Variants in EAF2 observed in about 807,000 individuals in gnomAD.
The protein encoded by EAF2 is ELL associated factor 2, also known as ELL-associated factor 2.
EAF2 carries 29 observed loss-of-function variants against 29.4 expected under a neutral mutation model. The observed-to-expected ratio is 0.99, with a 90% CI of 0.73 to 1.35. The LOEUF (loss-of-function observed/expected upper bound fraction) is 1.35. Ranked by LOEUF, EAF2 falls within the 40% of genes most tolerant of loss-of-function variation. The pLI is 0.00. For synonymous variants in EAF2, 103 were observed against 102.5 expected (o/e 1.00, Z -0.03); for missense variants, 292 against 312.0 (o/e 0.94, Z 0.48).
chr3:121,848,786 T>C (rs1708577794), intron 2 of EAF2, among the ~76,000 whole-genome samples: 1 of 152,206 alleles, frequency 6.6e-6, no homozygotes, highest in African/African-American at 2.4e-5. Flanking sequence ...AAACTGCTTG[T>C]GATTGTAAAT....
intron 5 of EAF2, among the ~76,000 whole-genome samples, chr3:121,884,246 A>G (rs1022259587): frequency 1.3e-5 from 2 of 149,228 alleles, no homozygotes; most frequent in African/African-American, 2.5e-5. Flanking sequence ...AGGCTGAGGC[A>G]GGAGAATCAC....
chr3:121,856,355 T>C (rs1227966015), intron 3 of EAF2, among the ~76,000 whole-genome samples: 2 of 152,084 alleles, frequency 1.3e-5, no homozygotes, highest in Non-Finnish European at 2.9e-5. Flanking sequence ...TATTTATTTT[T>C]AAATAGAGAT....
At chr3:121,879,041 T>C (rs1920298) in intron 5 of EAF2, among the ~76,000 whole-genome samples, 33,863 of 152,132 alleles carry the variant, frequency 0.22, 4,346 homozygotes, top group Admixed American at 0.36. Context: ...GTTATTTTTG[T>C]CTTTTCAATA....
At chr3:121,875,494 T>G (rs1709080642) in intron 5 of EAF2, among the ~76,000 whole-genome samples, 1 of 151,614 alleles carries the variant, frequency 6.6e-6, no homozygotes, top group Non-Finnish European at 1.5e-5. Flanking sequence ...CCTGTCAGAG[T>G]GGTGTGAGGA....
intron 4 of EAF2, among the ~76,000 whole-genome samples, chr3:121,860,839 T>C (rs1410491846): frequency 6.6e-6 from 1 of 152,208 alleles, no homozygotes; most frequent in Non-Finnish European, 1.5e-5. Context: ...CACACTGCTT[T>C]AAATGTGTCC....
rs191538019 is a variant in EAF2 at position 121,836,532 on chromosome 3, T to A, written c.106+1141T>A. On this transcript the variant is annotated intron_variant, in intron 1 of 5. Transcript: ENST00000273668. Reference sequence around the variant, plus strand: ...AATATATTTACTAAAAGGGTTTTTTTAAAGCAAAATTAACATCCAATTGGT... The same window carrying A: ...AATATATTTACTAAAAGGGTTTTTTAAAAGCAAAATTAACATCCAATTGGT... 2.7e-4 allele frequency: 187 copies of A among 701,188 alleles called. 1 individual carries two copies. The African/African-American group carries it at 3.2e-3, about 12-fold the overall frequency. 43.4% of individuals were successfully genotyped at this position (701,188 alleles called of 1,614,324 possible). A position where few individuals can be genotyped will look rare whatever the true frequency, so the allele number is the denominator to read the frequency against.
At chr3:121,843,939 A>ATAGAATGACAGACAAGTGGTAG (rs1708476462) in intron 1 of EAF2, among the ~76,000 whole-genome samples, 6 of 152,134 alleles carry the variant, frequency 3.9e-5, no homozygotes, top group African/African-American at 4.8e-5. Flanking sequence ...TTTTGTTTGG[A>ATAGAATGACAGACAAGTGGTAG]TAGAATGACA....
chr3:121,863,037 G>A (rs935557286), intron 4 of EAF2, among the ~76,000 whole-genome samples: 2 of 152,172 alleles, frequency 1.3e-5, no homozygotes, highest in Non-Finnish European at 2.9e-5. Context: ...AAATGTTGCT[G>A]CCTGGTCCTT....
At chr3:121,866,379 A>G (rs968764126) in intron 4 of EAF2, among the ~76,000 whole-genome samples, 1 of 152,196 alleles carries the variant, frequency 6.6e-6, no homozygotes, top group African/African-American at 2.4e-5. Context: ...AATTTGAATA[A>G]GATATAGATC....
chr3:121,838,170 A>G (rs1298623517), intron 1 of EAF2, among the ~76,000 whole-genome samples: 2 of 152,220 alleles, frequency 1.3e-5, no homozygotes, highest in Non-Finnish European at 2.9e-5. Flanking sequence ...TTAAATACAA[A>G]GTAGAAAATG....
rs1266721622 is a variant in EAF2, at chr3:121,874,042, T to C, written c.736+1254T>C. Among the ~76,000 whole-genome samples, 4 of 151,898 alleles carry C rather than the reference T, an allele frequency of 2.6e-5. No individual in the cohort carries two copies. The East Asian group carries it at 7.7e-4, about 29-fold the overall frequency. ...CAAGGACCTTGTTTGTTTTTGCTTATCATTGAATTCTTGCACTTAGCACAT... is the reference window on the plus strand; with the variant it reads ...CAAGGACCTTGTTTGTTTTTGCTTACCATTGAATTCTTGCACTTAGCACAT... On this transcript the variant is annotated intron_variant, in intron 5 of 5. Transcript: ENST00000273668.
chr3:121,839,745 C>G (rs1004920531), intron 1 of EAF2, among the ~76,000 whole-genome samples: 2 of 152,126 alleles, frequency 1.3e-5, no homozygotes, highest in Non-Finnish European at 2.9e-5. Context: ...AGAAGTGATT[C>G]AGAGAAGAGT....
chr3:121,865,922 A>G (rs1279459205), intron 4 of EAF2, among the ~76,000 whole-genome samples: 3 of 151,836 alleles, frequency 2.0e-5, no homozygotes, highest in South Asian at 2.1e-4. Flanking sequence ...ACACCACTCT[A>G]CCTCCCAGAC....
chr3:121,848,962 G>T lies in EAF2; in HGVS notation c.201+4415G>T, dbSNP rs577046598. ...AGCAAATATTGTTTCTCCTGGGTATGTAGTCCTTGAACAATCATGAATAAC... is the reference window on the plus strand; with the variant it reads ...AGCAAATATTGTTTCTCCTGGGTATTTAGTCCTTGAACAATCATGAATAAC... On this transcript the variant is annotated intron_variant, in intron 2 of 5. Transcript: ENST00000273668. Among the ~76,000 whole-genome samples, 16 of 152,256 alleles carry T rather than the reference G, an allele frequency of 1.1e-4. No individual in the cohort carries two copies. In the South Asian group the frequency reaches 3.1e-3, roughly 30 times the overall value.
intron 2 of EAF2, among the ~76,000 whole-genome samples, chr3:121,845,109 T>G (rs1369351990): frequency 2.0e-5 from 3 of 151,804 alleles, no homozygotes; most frequent in African/African-American, 4.8e-5. Flanking sequence ...AACAAAGAGT[T>G]TGTGGAATAA....
chr3:121,865,948 A>G (rs1708918428), intron 4 of EAF2, among the ~76,000 whole-genome samples: 1 of 152,116 alleles, frequency 6.6e-6, no homozygotes, highest in African/African-American at 2.4e-5. Context: ...CCCCTGCCCT[A>G]TTAACCTAAG....
intron 4 of EAF2, among the ~76,000 whole-genome samples, chr3:121,858,640 G>T (rs1390554709): frequency 1.3e-5 from 2 of 152,142 alleles, no homozygotes; most frequent in African/African-American, 2.4e-5. Flanking sequence ...TCTGATGGTA[G>T]TTTCTTTTGC....
At chr3:121,862,262 G>A (rs914499857) in intron 4 of EAF2, among the ~76,000 whole-genome samples, 2 of 152,212 alleles carry the variant, frequency 1.3e-5, no homozygotes, top group Non-Finnish European at 2.9e-5. Context: ...ATCCTGAAGA[G>A]TGTTTTCCAA....
chr3:121,880,895 C>G (rs954484028), intron 5 of EAF2, among the ~76,000 whole-genome samples: 3 of 152,142 alleles, frequency 2.0e-5, no homozygotes, highest in Non-Finnish European at 4.4e-5. Context: ...TCGAGGTACA[C>G]TCCTTCTAGA....
Sources: allele counts gnomAD v4.1 joint callset (sites outside exome capture counted in the v4.1 genomes callset), GRCh38; gene constraint gnomAD v4.1.1; transcripts MANE v1.5; gene names NCBI Gene and HGNC (gene_info 2026-07-23, HGNC 2026-07-21).